Variants in LRRC4C observed in about 807,000 individuals in gnomAD.
LRRC4C encodes the protein leucine rich repeat containing 4C.
LRRC4C carries 5 observed loss-of-function variants against 33.6 expected under a neutral mutation model. The ratio of observed to expected loss-of-function variants is 0.15; its 90% CI spans 0.08 to 0.31. The LOEUF (loss-of-function observed/expected upper bound fraction) is 0.31. LRRC4C is among the 10% of genes least tolerant of loss of function. LRRC4C has a pLI of 1.00. For synonymous variants in LRRC4C, 329 were observed against 302.0 expected, an observed-to-expected ratio of 1.09 and a Z score of -0.93; for missense variants, 560 against 796.7, an observed-to-expected ratio of 0.70 and a Z score of 3.58.
intron 3 of LRRC4C, among the ~76,000 whole-genome samples, chr11:40,579,215 G>T (rs1958354030): frequency 6.6e-6 from 1 of 151,862 alleles, no homozygotes; most frequent in African/African-American, 2.4e-5. Flanking sequence ...ATGTGCCTGT[G>T]GTTCCAGCTA....
intron 1 of LRRC4C, among the ~76,000 whole-genome samples, chr11:41,068,397 C>A (rs1321431524): frequency 4.6e-5 from 7 of 151,024 alleles, no homozygotes; most frequent in African/African-American, 1.7e-4. Flanking sequence ...TCCCCTCCCC[C>A]CAACAAAAAA....
At chr11:40,267,586 C>T (rs767588120) in intron 4 of LRRC4C, among the ~76,000 whole-genome samples, 12 of 152,236 alleles carry the variant, frequency 7.9e-5, no homozygotes, top group Admixed American at 6.5e-4. Flanking sequence ...CTCCTGACCT[C>T]GTGATCTTCC....
rs529495785 is a variant in LRRC4C at position 41,055,699 on chromosome 11, G to C, written c.-495-121976C>G. On this transcript the variant is annotated intron_variant, in intron 1 of 6. Coordinates refer to ENST00000528697, the MANE Select transcript of LRRC4C (RefSeq NM_001258419.2). The stretch of plus-strand genomic sequence containing the variant: ...CTGTAAAGGGGGTTGAATTTATACA[G>C]ACTATACGTATGCTTTTGTGGGATA... 8.5e-5 allele frequency among the ~76,000 whole-genome samples: 13 copies of C among 152,106 alleles called. No individual in the cohort carries two copies. The South Asian group carries it at 2.7e-3, about 32-fold the overall frequency.
chr11:41,375,775 T>G (rs1051669525), intron 1 of LRRC4C, among the ~76,000 whole-genome samples: 3 of 152,078 alleles, frequency 2.0e-5, no homozygotes, highest in Non-Finnish European at 4.4e-5. Flanking sequence ...CTATAGTATC[T>G]TGAAGAATGA....
intron 1 of LRRC4C, among the ~76,000 whole-genome samples, chr11:40,944,709 G>T (rs980068407): frequency 6.6e-6 from 1 of 152,096 alleles, no homozygotes; most frequent in Non-Finnish European, 1.5e-5. Context: ...GGTAGGTTTG[G>T]TCATTTTTAC....
chr11:41,299,810 G>A (rs1264175911), intron 1 of LRRC4C, among the ~76,000 whole-genome samples: 2 of 152,044 alleles, frequency 1.3e-5, no homozygotes, highest in African/African-American at 4.8e-5. Context: ...ACAAGAATTT[G>A]TTTATGAAGA....
chr11:40,495,295 C>A (rs929520096), intron 3 of LRRC4C, among the ~76,000 whole-genome samples: 3 of 152,090 alleles, frequency 2.0e-5, no homozygotes, highest in Non-Finnish European at 4.4e-5. Context: ...CTCTCCGCCC[C>A]CCCCGCCAGA....
chr11:41,012,441 C>T (rs1028126408), intron 1 of LRRC4C, among the ~76,000 whole-genome samples: 2 of 151,968 alleles, frequency 1.3e-5, no homozygotes, highest in Non-Finnish European at 2.9e-5. Flanking sequence ...AAATAATATT[C>T]AATTGTGTAT....
intron 3 of LRRC4C, among the ~76,000 whole-genome samples, chr11:40,403,760 C>T (rs1326820858): frequency 1.3e-5 from 2 of 152,018 alleles, no homozygotes; most frequent in African/African-American, 4.8e-5. Context: ...TCCTAAATCT[C>T]AGAGAGAAAA....
At chr11:40,904,739 T>C (rs1242380844) in intron 2 of LRRC4C, among the ~76,000 whole-genome samples, 1 of 152,140 alleles carries the variant, frequency 6.6e-6, no homozygotes, top group Non-Finnish European at 1.5e-5. Flanking sequence ...TGTTTAGGTT[T>C]ATGTTATCTC....
At chr11:40,546,088 T>G in intron 3 of LRRC4C, among the ~76,000 whole-genome samples, 1 of 11,590 alleles carries the variant, frequency 8.6e-5, no homozygotes, top group African/African-American at 2.5e-4. Context: ...CTTCCTACCT[T>G]CCTTCCTTCC....
At chr11:40,877,323 T>C (rs924930244) in intron 2 of LRRC4C, among the ~76,000 whole-genome samples, 4 of 152,142 alleles carry the variant, frequency 2.6e-5, no homozygotes, top group Non-Finnish European at 5.9e-5. Context: ...AAGACTTAAA[T>C]AGTTCTGCAG....
At chr11:41,229,552 C>T (rs1316101528) in intron 1 of LRRC4C, among the ~76,000 whole-genome samples, 2 of 152,124 alleles carry the variant, frequency 1.3e-5, no homozygotes, top group Non-Finnish European at 2.9e-5. Context: ...AATTTCTCAA[C>T]TTGCCCTTCT....
chr11:40,314,690 A>C (rs1341484189), intron 4 of LRRC4C, among the ~76,000 whole-genome samples: 1 of 152,144 alleles, frequency 6.6e-6, no homozygotes, highest in Non-Finnish European at 1.5e-5. Flanking sequence ...AATATGGTAT[A>C]TATACTCAAT....
At chr11:40,361,109 G>A (rs1242976714) in intron 3 of LRRC4C, among the ~76,000 whole-genome samples, 1 of 152,092 alleles carries the variant, frequency 6.6e-6, no homozygotes, top group Non-Finnish European at 1.5e-5. Flanking sequence ...AATAATAAGA[G>A]CCATGTATGA....
chr11:41,390,097 G>A (rs925266777), intron 1 of LRRC4C, among the ~76,000 whole-genome samples: 6 of 151,816 alleles, frequency 4.0e-5, no homozygotes, highest in African/African-American at 1.5e-4. Context: ...GAATAAAACT[G>A]CATAAAACAT....
chr11:41,298,085 T>C (rs757445674), intron 1 of LRRC4C, among the ~76,000 whole-genome samples: 1 of 152,176 alleles, frequency 6.6e-6, no homozygotes, highest in Non-Finnish European at 1.5e-5. Context: ...ATAAATGTGG[T>C]ACTAGTTATT....
intron 4 of LRRC4C, among the ~76,000 whole-genome samples, chr11:40,300,961 C>T (rs1213760655): frequency 3.3e-5 from 5 of 152,134 alleles, no homozygotes; most frequent in African/African-American, 1.2e-4. Context: ...CTGTACCAGG[C>T]TCTCTGGAAG....
At chr11:40,901,363 C>A (rs182865082) in intron 2 of LRRC4C, among the ~76,000 whole-genome samples, 102 of 152,130 alleles carry the variant, frequency 6.7e-4, no homozygotes, top group Middle Eastern at 3.4e-3. Flanking sequence ...GGCCATGTAG[C>A]CTGCTTGTTG....
Sources: gnomAD v4.1 joint callset for allele counts (sites outside exome capture counted in the v4.1 genomes callset) on GRCh38, gnomAD v4.1.1 for gene constraint, MANE v1.5 for transcripts, NCBI Gene and HGNC (gene_info 2026-07-23, HGNC 2026-07-21) for gene names.